Variants in LRCH1 observed in about 807,000 individuals in gnomAD.
LRCH1 encodes leucine-rich repeat and calponin homology domain-containing protein 1.
A neutral mutation model predicts 94.9 loss-of-function variants in LRCH1; 23 were observed. That is an observed-to-expected ratio of 0.24 (90% CI 0.17 to 0.34). The LOEUF (loss-of-function observed/expected upper bound fraction) is 0.34. Ranked by LOEUF, LRCH1 falls within the 10% of genes least tolerant of loss-of-function variation. LRCH1 has a pLI of 1.00. For synonymous variants in LRCH1, 364 were observed against 354.9 expected, an observed-to-expected ratio of 1.03 and a Z score of -0.29; for missense variants, 790 against 945.9, an observed-to-expected ratio of 0.84 and a Z score of 2.16.
intron 3 of LRCH1, among the ~76,000 whole-genome samples, chr13:46,679,463 C>G (rs958381201): frequency 1.3e-5 from 2 of 152,230 alleles, no homozygotes; most frequent in African/African-American, 4.8e-5. Context: ...TTCGGAAAGG[C>G]AGGGCAATTT....
chr13:46,587,355 A>G (rs2050446618), intron 1 of LRCH1, among the ~76,000 whole-genome samples: 1 of 152,228 alleles, frequency 6.6e-6, no homozygotes, highest in African/African-American at 2.4e-5. Context: ...AAACAATAGT[A>G]CTGATTAAGT....
At chr13:46,581,332 G>T (rs765471372) in intron 1 of LRCH1, among the ~76,000 whole-genome samples, 2 of 152,178 alleles carry the variant, frequency 1.3e-5, no homozygotes, top group Non-Finnish European at 2.9e-5. Context: ...TTAGGAAAAG[G>T]CTTCAAGTGA....
chr13:46,705,783 T>C (rs915830059), intron 13 of LRCH1, among the ~76,000 whole-genome samples: 13 of 152,178 alleles, frequency 8.5e-5, no homozygotes, highest in Non-Finnish European at 1.6e-4. Flanking sequence ...GGTGGTGATA[T>C]TTGAAGACAG....
intron 18 of LRCH1, among the ~76,000 whole-genome samples, chr13:46,750,148 A>G (rs1042606332): frequency 6.6e-6 from 1 of 152,190 alleles, no homozygotes; most frequent in African/African-American, 2.4e-5. Context: ...GGTACAAATG[A>G]ATATTTGAGT....
At chr13:46,605,684 G>T (rs2050679702) in intron 1 of LRCH1, among the ~76,000 whole-genome samples, 1 of 152,134 alleles carries the variant, frequency 6.6e-6, no homozygotes, top group South Asian at 2.1e-4. Flanking sequence ...GAGAAGTTGG[G>T]TATTTCTTCA....
intron 1 of LRCH1, among the ~76,000 whole-genome samples, chr13:46,616,881 G>A (rs1374533887): frequency 2.0e-5 from 3 of 152,164 alleles, no homozygotes; most frequent in African/African-American, 7.2e-5. Flanking sequence ...AATGTTTTGC[G>A]GGCAGGAGTG....
chr13:46,573,126 C>T (rs955014257), intron 1 of LRCH1, among the ~76,000 whole-genome samples: 1 of 152,208 alleles, frequency 6.6e-6, no homozygotes, highest in African/African-American at 2.4e-5. Context: ...TGTTTTCTGA[C>T]TTATTCATTT....
Position 46,553,407 on chromosome 13 carries a change from C to T in LRCH1, c.11C>T (p.Pro4Leu), listed in dbSNP as rs2050022197. 3 of 1,540,856 alleles carry T rather than the reference C, an allele frequency of 1.9e-6. No individual in the cohort carries two copies. The highest frequency in any genetic ancestry group is 1.7e-4 in the Middle Eastern group (1 of 5,972). ...GGGGCCCGGGAGAAGATGGCGACGCCGGGAAGCGAACCCCAACCTTTCGTC... is the reference window on the plus strand; with the variant it reads ...GGGGCCCGGGAGAAGATGGCGACGCTGGGAAGCGAACCCCAACCTTTCGTC... MATPGSEPQPFVPA... is the reference protein window; with the variant it reads MATLGSEPQPFVPA... Residue 4 changes from proline (P) to leucine (L), a missense_variant, in exon 1 of 20, where the codon CCG (proline) becomes CTG (leucine). This residue lies in a region of LRCH1 where 136 missense variants were observed against 143.5 expected (regional missense o/e 0.95). Coordinates refer to ENST00000389797, the MANE Select transcript of LRCH1 (RefSeq NM_001164211.2).
At chr13:46,628,517 C>T (rs13378860) in intron 1 of LRCH1, among the ~76,000 whole-genome samples, 108,624 of 151,736 alleles carry the variant, frequency 0.72, 38,989 homozygotes, top group Middle Eastern at 0.81. Context: ...ATTAGCTGGG[C>T]GTGGTGGCAC....
rs67588975 is a variant in LRCH1 at position 46,657,500 on chromosome 13, C to CTTTTTTTTTTTT, written c.452+7186_452+7197dup. Among the ~76,000 whole-genome samples, 12 of 11,378 alleles carry CTTTTTTTTTTTT rather than the reference C, an allele frequency of 1.1e-3. 2 individuals carry two copies. The highest frequency in any genetic ancestry group is 1.6e-3 in the Admixed American group (1 of 616). The allele number at this position is 11,378 out of a possible 152,430, so 7.5% of individuals were successfully genotyped here. A position where few individuals can be genotyped will look rare whatever the true frequency, so the allele number is the denominator to read the frequency against. On this transcript the variant is annotated intron_variant, in intron 2 of 19. Transcript: ENST00000389797. ...TCATTTTTACTTTTTCTTTTCTTTT[C>CTTTTTTTTTTTT]TTTTTTTTTTTTTTTTTTTTTTTTT... is the stretch of plus-strand genomic sequence containing the variant.
At chr13:46,611,911 C>G (rs141132180) in intron 1 of LRCH1, among the ~76,000 whole-genome samples, 47 of 152,312 alleles carry the variant, frequency 3.1e-4, no homozygotes, top group African/African-American at 1.0e-3. Flanking sequence ...TCATAGGGCA[C>G]CATTTGCCAT....
chr13:46,742,640 A>C lies in LRCH1; in HGVS notation c.*792A>C. ...TAGGTCTTCTCTTGAGGCTCTTAGAAAAGCGTTTTCCAGAGAGATTTCTAT... is the reference window on the plus strand; with the variant it reads ...TAGGTCTTCTCTTGAGGCTCTTAGACAAGCGTTTTCCAGAGAGATTTCTAT... On this transcript the variant is annotated 3_prime_UTR_variant, in exon 20 of 20. Coordinates refer to ENST00000389797, the MANE Select transcript of LRCH1 (RefSeq NM_001164211.2). 4 of 985,434 alleles carry C rather than the reference A, an allele frequency of 4.1e-6. No individual in the cohort carries two copies. The highest frequency in any genetic ancestry group is 3.6e-6 in the Non-Finnish European group (3 of 829,930). 61.0% of individuals were successfully genotyped at this position (985,434 alleles called of 1,614,324 possible).
At chr13:46,673,613 C>T (rs998258768) in intron 3 of LRCH1, among the ~76,000 whole-genome samples, 30 of 152,332 alleles carry the variant, frequency 2.0e-4, no homozygotes, top group Admixed American at 9.1e-4. Flanking sequence ...GCACCCCAAG[C>T]ATTCAGAATA....
intron 1 of LRCH1, among the ~76,000 whole-genome samples, chr13:46,613,811 CCT>C (rs1353813847): frequency 5.3e-5 from 8 of 152,134 alleles, no homozygotes; most frequent in African/African-American, 1.7e-4. Context: ...TCCTAAATGT[CCT>C]CTAAATTCTT....
chr13:46,748,453 A>C (rs1282774577), downstream of LRCH1, among the ~76,000 whole-genome samples: 1 of 152,224 alleles, frequency 6.6e-6, no homozygotes, highest in Admixed American at 6.5e-5. Flanking sequence ...TGTCAGAGCC[A>C]ATAGAATGAG....
chr13:46,558,600 C>T (rs2050094870), intron 1 of LRCH1, among the ~76,000 whole-genome samples: 1 of 63,966 alleles, frequency 1.6e-5, no homozygotes, highest in African/African-American at 8.5e-5. Flanking sequence ...AAAAAAAAAG[C>T]TGGGTTCCTG....
At chr13:46,679,199 A>C (rs2138137955) in intron 3 of LRCH1, among the ~76,000 whole-genome samples, 1 of 152,326 alleles carries the variant, frequency 6.6e-6, no homozygotes, top group South Asian at 2.1e-4. Context: ...ACATCACCCA[A>C]GTGACTGTAT....
intron 13 of LRCH1, among the ~76,000 whole-genome samples, chr13:46,705,914 A>G (rs1871735371): frequency 6.6e-6 from 1 of 152,234 alleles, no homozygotes; most frequent in Non-Finnish European, 1.5e-5. Flanking sequence ...TTACCCCAGG[A>G]TTAGAGAGAG....
chr13:46,748,461 G>T (rs1307604299), downstream of LRCH1, among the ~76,000 whole-genome samples: 1 of 152,158 alleles, frequency 6.6e-6, no homozygotes, highest in Admixed American at 6.5e-5. Context: ...CCAATAGAAT[G>T]AGGAAGACAT....
Sources: allele counts gnomAD v4.1 joint callset (sites outside exome capture counted in the v4.1 genomes callset), GRCh38; gene constraint gnomAD v4.1.1; regional missense constraint gnomAD v4.1.1; transcripts MANE v1.5; gene names NCBI Gene and HGNC (gene_info 2026-07-23, HGNC 2026-07-21).